ERBB4: variants seen among roughly 807,000 people sequenced by gnomAD.
ERBB4 encodes the protein receptor tyrosine-protein kinase erbB-4.
Under a neutral mutation model 158.0 loss-of-function variants are expected in ERBB4, and 42 were observed. That is an observed-to-expected ratio of 0.27 (90% confidence interval 0.21 to 0.34). The LOEUF (loss-of-function observed/expected upper bound fraction) is 0.34, where lower values mean the gene tolerates loss of function less well. Ranked by LOEUF, ERBB4 falls within the 10% of genes least tolerant of loss-of-function variation. The pLI, the probability that ERBB4 is intolerant of heterozygous loss-of-function variation, is 1.00. For missense variants in ERBB4, 1,333 were observed against 1,624.1 expected, an observed-to-expected ratio of 0.82 and a Z score of 3.08; for synonymous variants, 583 against 558.7, an observed-to-expected ratio of 1.04 and a Z score of -0.61.
At chr2:212,335,369 T>G (rs61391830) in intron 1 of ERBB4, among the ~76,000 whole-genome samples, 2,673 of 152,062 alleles carry the variant, frequency 0.018, 70 homozygotes, top group African/African-American at 0.06. Flanking sequence ...ATGAAAGTAG[T>G]AGTGGGTTAC....
At chr2:211,482,930 T>A (rs1363340362) in intron 20 of ERBB4, among the ~76,000 whole-genome samples, 3 of 151,534 alleles carry the variant, frequency 2.0e-5, no homozygotes, top group East Asian at 1.9e-4. Flanking sequence ...AATAAAAATT[T>A]AAAAAAATCA....
intron 2 of ERBB4, among the ~76,000 whole-genome samples, chr2:212,098,942 G>C (rs2079005091): frequency 6.6e-6 from 1 of 151,938 alleles, no homozygotes; most frequent in South Asian, 2.1e-4. Context: ...TACTACCCAT[G>C]GAATTGCCTG....
intron 20 of ERBB4, among the ~76,000 whole-genome samples, chr2:211,529,828 T>C (rs2066448137): frequency 6.6e-6 from 1 of 152,042 alleles, no homozygotes; most frequent in African/African-American, 2.4e-5. Context: ...AAACTAAGTG[T>C]AGAAGGAACA....
chr2:211,806,156 T>C (rs1264515842), intron 3 of ERBB4, among the ~76,000 whole-genome samples: 1 of 152,070 alleles, frequency 6.6e-6, no homozygotes, highest in East Asian at 1.9e-4. Context: ...TAGATGTGTA[T>C]ATTTAAAATT....
At chr2:212,439,316 TA>T (rs1396095842) in intron 1 of ERBB4, among the ~76,000 whole-genome samples, 1 of 152,190 alleles carries the variant, frequency 6.6e-6, no homozygotes, top group Non-Finnish European at 1.5e-5. Context: ...GCCTCACTTC[TA>T]CGTTTGCAAT....
At chr2:211,855,896 ATACT>A (rs1032377693) in intron 3 of ERBB4, among the ~76,000 whole-genome samples, 3 of 152,230 alleles carry the variant, frequency 2.0e-5, no homozygotes, top group Non-Finnish European at 2.9e-5. Context: ...TGCAGATAAG[ATACT>A]TATGTATGTA....
At chr2:211,943,309 A>C (rs1397066632) in intron 3 of ERBB4, among the ~76,000 whole-genome samples, 1 of 152,136 alleles carries the variant, frequency 6.6e-6, no homozygotes, top group East Asian at 1.9e-4. Context: ...ATACTATTAA[A>C]TGTCGATTTG....
intron 1 of ERBB4, among the ~76,000 whole-genome samples, chr2:212,425,283 GATAT>G (rs1423311439): frequency 7.3e-6 from 1 of 136,338 alleles, no homozygotes; most frequent in Non-Finnish European, 1.5e-5. Flanking sequence ...ATAAATAACA[GATAT>G]ATATTTTACA....
At chr2:212,427,314 A>G (rs1290970782) in intron 1 of ERBB4, among the ~76,000 whole-genome samples, 1 of 152,154 alleles carries the variant, frequency 6.6e-6, no homozygotes, top group Non-Finnish European at 1.5e-5. Context: ...AGTTTAAGGT[A>G]GAGATGACAG....
At chr2:212,018,277 G>A (rs1316752440) in intron 2 of ERBB4, among the ~76,000 whole-genome samples, 1 of 152,134 alleles carries the variant, frequency 6.6e-6, no homozygotes, top group Non-Finnish European at 1.5e-5. Flanking sequence ...CTCACCTTTA[G>A]GTTTAACCTG....
intron 1 of ERBB4, among the ~76,000 whole-genome samples, chr2:212,258,254 T>A (rs1410668341): frequency 6.7e-6 from 1 of 148,732 alleles, no homozygotes; most frequent in Admixed American, 6.6e-5. Context: ...GCATTTTATT[T>A]GTTTTCAAAA....
intron 1 of ERBB4, among the ~76,000 whole-genome samples, chr2:212,307,300 G>C (rs12468470): frequency 0.21 from 31,694 of 150,508 alleles, 3,534 homozygotes; most frequent in South Asian, 0.31. Flanking sequence ...TGACAGCAGG[G>C]TAGTTCCTCT....
At chr2:211,774,889 C>CA (rs2106282567) in intron 4 of ERBB4, among the ~76,000 whole-genome samples, 1 of 152,282 alleles carries the variant, frequency 6.6e-6, no homozygotes, top group South Asian at 2.1e-4. Context: ...CTTATATTAA[C>CA]ATGATTGCTT....
intron 25 of ERBB4, among the ~76,000 whole-genome samples, chr2:211,406,308 A>G (rs1280868083): frequency 6.6e-6 from 1 of 152,196 alleles, no homozygotes; most frequent in East Asian, 1.9e-4. Context: ...GTAGATACCT[A>G]AATAAATGTT....
chr2:212,124,489 G>T, intron 2 of ERBB4: 2 of 468,084 alleles, frequency 4.3e-6, no homozygotes, highest in South Asian at 4.3e-5. Flanking sequence ...TTTGCTAGAT[G>T]TCATGTACTA....
At chr2:212,050,820 T>A (rs1316912270) in intron 2 of ERBB4, among the ~76,000 whole-genome samples, 1 of 152,206 alleles carries the variant, frequency 6.6e-6, no homozygotes, top group East Asian at 1.9e-4. Context: ...TACTTGTTTT[T>A]TTGTTGCTTT....
chr2:212,182,520 T>C (rs2081899539), intron 1 of ERBB4, among the ~76,000 whole-genome samples: 1 of 151,994 alleles, frequency 6.6e-6, no homozygotes, highest in African/African-American at 2.4e-5. Context: ...GACATGAACA[T>C]TCATCACTGT....
intron 1 of ERBB4, among the ~76,000 whole-genome samples, chr2:212,537,339 A>G (rs571516607): frequency 6.6e-6 from 1 of 152,160 alleles, no homozygotes; most frequent in South Asian, 2.1e-4. Context: ...CCCCTTGGCC[A>G]CGTCAAGACA....
At position 212,154,968 on chromosome 2, in the gene ERBB4, C is replaced by T. The variant is rs111297870; in HGVS notation, c.83-30065G>A. Among the ~76,000 whole-genome samples the T allele has an allele frequency of 6.6e-3, 1,005 of 152,278 alleles. 7 individuals carry two copies. The highest frequency in any genetic ancestry group is 0.024 in the Middle Eastern group (7 of 294). On this transcript the variant is annotated intron_variant, in intron 1 of 27. Transcript: ENST00000342788. ...CTGAGCATGAAGGAGAAACTTGACACTGGTGCTTCTTTGTGGACAGAGAGA... is the reference window on the plus strand; with the variant it reads ...CTGAGCATGAAGGAGAAACTTGACATTGGTGCTTCTTTGTGGACAGAGAGA...
Sources: allele counts gnomAD v4.1 joint callset (sites outside exome capture counted in the v4.1 genomes callset), GRCh38; gene constraint gnomAD v4.1.1; transcripts MANE v1.5; gene names NCBI Gene and HGNC (gene_info 2026-07-23, HGNC 2026-07-21).